The following GALNT14 variants were observed in gnomAD, a reference collection of about 807,000 sequenced individuals.
GALNT14 encodes UDP-GalNAc:polypeptide N-acetylgalactosaminyltransferase 14.
GALNT14 carries 60 observed loss-of-function variants against 77.5 expected under a neutral mutation model. The observed-to-expected ratio is 0.77, with a 90% CI of 0.63 to 0.96. GALNT14 has a LOEUF of 0.96. Among genes scored for constraint, GALNT14 ranks in the 40% least tolerant of loss-of-function variants. The probability of loss-of-function intolerance (pLI) is 0.00; values close to 1 mark genes in which losing one functional copy is unlikely to be tolerated. For synonymous variants in GALNT14, 280 were observed against 281.7 expected (o/e 0.99, Z 0.06); for missense variants, 710 against 731.0 (o/e 0.97, Z 0.33).
intron 1 of GALNT14, among the ~76,000 whole-genome samples, chr2:31,027,886 C>CTGTGTGTGTGTGTGTGTGTGTGTG (rs10562223): frequency 0.022 from 3,083 of 141,768 alleles, 68 homozygotes; most frequent in East Asian, 0.029. Context: ...CAGATGTATT[C>CTGTGTGTGTGTGTGTGTGTGTGTG]TGTGTGTGTG....
chr2:31,110,412 A>G (rs758729430), intron 1 of GALNT14, among the ~76,000 whole-genome samples: 6 of 152,226 alleles, frequency 3.9e-5, no homozygotes, highest in Non-Finnish European at 5.9e-5. Flanking sequence ...AGTCACAGAA[A>G]GAAAGAATCA....
At chr2:31,049,260 T>C (rs1266767086) in intron 1 of GALNT14, among the ~76,000 whole-genome samples, 1 of 152,212 alleles carries the variant, frequency 6.6e-6, no homozygotes, top group East Asian at 1.9e-4. Flanking sequence ...GCTCATTCTA[T>C]GGTATCCCAT....
chr2:31,111,523 G>A (rs1677833964), intron 1 of GALNT14, among the ~76,000 whole-genome samples: 1 of 150,764 alleles, frequency 6.6e-6, no homozygotes, highest in East Asian at 1.9e-4. Context: ...TAAGCCCCCT[G>A]TGTGGCTTTT....
chr2:31,049,282 C>T (rs1673687957), intron 1 of GALNT14, among the ~76,000 whole-genome samples: 1 of 152,176 alleles, frequency 6.6e-6, no homozygotes, highest in African/African-American at 2.4e-5. Flanking sequence ...CAAGCTCACA[C>T]TTACTAAATG....
chr2:31,001,718 A>C (rs1670378771), intron 1 of GALNT14, among the ~76,000 whole-genome samples: 1 of 152,166 alleles, frequency 6.6e-6, no homozygotes, highest in South Asian at 2.1e-4. Flanking sequence ...AAACAGATTT[A>C]GATGCTCCAA....
the GALNT14 span, among the ~76,000 whole-genome samples, chr2:30,899,801 G>A: frequency 6.6e-6 from 1 of 152,182 alleles, no homozygotes; most frequent in East Asian, 1.9e-4. Flanking sequence ...CTGCTAATCC[G>A]AGTTGGGCCG....
chr2:30,964,722 T>A (rs187605214), intron 3 of GALNT14, among the ~76,000 whole-genome samples: 1 of 152,308 alleles, frequency 6.6e-6, no homozygotes, highest in East Asian at 1.9e-4. Flanking sequence ...ACTGTGTGTC[T>A]GGGCAGGTCC....
At chr2:30,963,310 T>G (rs1311397385) in intron 3 of GALNT14, among the ~76,000 whole-genome samples, 2 of 152,222 alleles carry the variant, frequency 1.3e-5, no homozygotes, top group African/African-American at 4.8e-5. Context: ...AGCTGACGCC[T>G]GATGCCTCTG....
chr2:31,113,421 G>T (rs1287478386), intron 1 of GALNT14, among the ~76,000 whole-genome samples: 2 of 152,122 alleles, frequency 1.3e-5, no homozygotes, highest in Non-Finnish European at 2.9e-5. Context: ...GGGAAAGCTT[G>T]GCCCAGAGTA....
At chr2:31,078,645 G>T (rs1675960808) in intron 1 of GALNT14, among the ~76,000 whole-genome samples, 1 of 152,174 alleles carries the variant, frequency 6.6e-6, no homozygotes, top group South Asian at 2.1e-4. Context: ...CTGTCTTGAG[G>T]CTAGCCCTAC....
Position 30,932,078 on chromosome 2 carries a change from T to G in GALNT14, c.1048A>C (p.Thr350Pro), listed in dbSNP as rs748565330. 1.9e-6 allele frequency: 3 copies of G among 1,565,930 alleles called. No homozygotes were observed. Among genetic ancestry groups the G allele is most frequent in the Non-Finnish European group, 2.6e-6 (3 of 1,156,062 alleles). The change falls in exon 10 of 15, where the codon ACG becomes CCG. Residue 350 changes from threonine (T) to proline (P), a missense_variant. Physicochemically the swap from Thr to Pro is conservative, Grantham distance 38. Transcript: ENST00000349752. ...CCCCTGGGCACTTACTTTATATACGTGTTGGCATTTCCATCAGGGAAAACG... is the reference window on the plus strand; with the variant it reads ...CCCCTGGGCACTTACTTTATATACGGGTTGGCATTTCCATCAGGGAAAACG... ...PYVFPDGNANTYIKNTKRTAE... is the reference protein window; with the variant it reads ...PYVFPDGNANPYIKNTKRTAE...
intron 12 of GALNT14, 152 bp from the exon 13 acceptor site, chr2:30,924,415 G>T: frequency 1.3e-6 from 1 of 772,332 alleles, no homozygotes; most frequent in East Asian, 2.6e-5. Flanking sequence ...GTGCCACTAA[G>T]AATGAGGTGG....
chr2:30,967,171 C>T (rs1668061516), intron 2 of GALNT14, among the ~76,000 whole-genome samples: 1 of 152,012 alleles, frequency 6.6e-6, no homozygotes, highest in Admixed American at 6.6e-5. Context: ...TATTTTTTTC[C>T]TAGGCCTGGG....
chr2:30,963,557 TG>T (rs35230263), intron 3 of GALNT14, among the ~76,000 whole-genome samples: 1 of 152,214 alleles, frequency 6.6e-6, no homozygotes, highest in African/African-American at 2.4e-5. Context: ...TAGGGAGGCC[TG>T]GGGGGCCTAG....
chr2:31,114,669 A>T (rs1196465306), intron 1 of GALNT14: 1 of 683,598 alleles, frequency 1.5e-6, no homozygotes, highest in African/African-American at 1.8e-5. Context: ...TGTGAATAAC[A>T]ATAATCCCAG....
At chr2:31,024,159 C>G (rs562920989) in intron 1 of GALNT14, among the ~76,000 whole-genome samples, 157 of 152,214 alleles carry the variant, frequency 1.0e-3, no homozygotes, top group Non-Finnish European at 1.9e-3. Context: ...GTGGACTCCT[C>G]CTTGAAATAT....
At chr2:31,121,027 G>A (rs1283807537) in intron 1 of GALNT14, among the ~76,000 whole-genome samples, 8 of 152,338 alleles carry the variant, frequency 5.3e-5, no homozygotes, top group Middle Eastern at 3.4e-3. Context: ...GCCAGCCTCT[G>A]TGCTTGGTGT....
chr2:31,058,661 A>T (rs1044701323), intron 1 of GALNT14, among the ~76,000 whole-genome samples: 2 of 152,112 alleles, frequency 1.3e-5, no homozygotes, highest in African/African-American at 2.4e-5. Flanking sequence ...AGATTTACTC[A>T]TTTACCTCCT....
chr2:30,904,870 G>A, the GALNT14 span, among the ~76,000 whole-genome samples: 1,118 of 151,960 alleles, frequency 7.4e-3, 23 homozygotes, highest in African/African-American at 0.026. Flanking sequence ...ATCTGAGAAC[G>A]GGCAGACTGC....
Sources: gnomAD v4.1 joint callset for allele counts (sites outside exome capture counted in the v4.1 genomes callset) on GRCh38, gnomAD v4.1.1 for gene constraint, MANE v1.5 for transcripts, NCBI Gene and HGNC (gene_info 2026-07-23, HGNC 2026-07-21) for gene names.